DROSHA: variants seen among roughly 807,000 people sequenced by gnomAD.
DROSHA encodes drosha ribonuclease III.
Under a neutral mutation model 181.9 loss-of-function variants are expected in DROSHA, and 56 were observed. The ratio of observed to expected loss-of-function variants is 0.31; its 90% confidence interval spans 0.25 to 0.38. The LOEUF is 0.38. Among genes scored for constraint, DROSHA ranks in the 10% least tolerant of loss-of-function variants. The pLI is 1.00. For missense variants in DROSHA, 1,218 were observed against 1,743.5 expected, an observed-to-expected ratio of 0.70 and a Z score of 5.37; for synonymous variants, 524 against 591.2, an observed-to-expected ratio of 0.89 and a Z score of 1.65.
intron 8 of DROSHA, among the ~76,000 whole-genome samples, chr5:31,511,929 A>ACG (rs1738734503): frequency 3.9e-5 from 5 of 129,074 alleles, no homozygotes; most frequent in African/African-American, 1.3e-4. Flanking sequence ...TCTCACACAC[A>ACG]CGCACACACA....
At chr5:31,502,249 A>G (rs1236369243) in intron 11 of DROSHA, among the ~76,000 whole-genome samples, 1 of 152,220 alleles carries the variant, frequency 6.6e-6, no homozygotes, top group Non-Finnish European at 1.5e-5. Flanking sequence ...GCTAGAGTAC[A>G]AGCAGCCCTG....
chr5:31,414,342 T>A (rs929478271), intron 30 of DROSHA, among the ~76,000 whole-genome samples: 3 of 152,204 alleles, frequency 2.0e-5, no homozygotes, highest in Non-Finnish European at 2.9e-5. Flanking sequence ...ATTTATATAT[T>A]TTAGTGGAAA....
At chr5:31,469,270 T>A (rs1473564425) in intron 17 of DROSHA, among the ~76,000 whole-genome samples, 4 of 151,990 alleles carry the variant, frequency 2.6e-5, no homozygotes, top group African/African-American at 9.7e-5. Context: ...GGCAGGAGAA[T>A]CACTTGAACC....
chr5:31,502,426 C>T (rs980231433), intron 11 of DROSHA, among the ~76,000 whole-genome samples: 5 of 152,192 alleles, frequency 3.3e-5, no homozygotes, highest in Non-Finnish European at 5.9e-5. Context: ...AAAAATACTC[C>T]AGATGTGCTA....
At position 31,526,317 on chromosome 5, in the gene DROSHA, G is replaced by A; in HGVS notation, c.616C>T (p.His206Tyr). ...ANNSSSPHFRHLPPYPLPKAP... is the reference protein window; with the variant it reads ...ANNSSSPHFRYLPPYPLPKAP... Reference sequence around the variant, plus strand: ...TTTGGGAGTGGGTATGGAGGGAGATGTCTGAAATGAGGACTACTGCTGTTA... The same window carrying A: ...TTTGGGAGTGGGTATGGAGGGAGATATCTGAAATGAGGACTACTGCTGTTA... Residue 206 changes from histidine to tyrosine, a missense_variant, in exon 5 of 36, where the codon CAT becomes TAT. His to Tyr is a moderately conservative substitution (Grantham distance 83, BLOSUM62 2). Coordinates refer to ENST00000344624, the MANE Select transcript of DROSHA (RefSeq NM_001382508.1). 3 of 1,613,930 alleles carry A rather than the reference G, an allele frequency of 1.9e-6. No homozygotes were observed. Among genetic ancestry groups the A allele is most frequent in the Non-Finnish European group, 2.5e-6 (3 of 1,179,888 alleles).
intron 18 of DROSHA, chr5:31,467,412 G>A (rs1017533269): frequency 2.0e-5 from 3 of 151,844 alleles, no homozygotes; most frequent in Non-Finnish European, 2.9e-5. Context: ...TCTTCTCCCA[G>A]AAAACACTAA....
chr5:31,467,395 T>C (rs1006809400), intron 18 of DROSHA: 16 of 151,398 alleles, frequency 1.1e-4, no homozygotes, highest in African/African-American at 3.6e-4. Flanking sequence ...TTCCCACACA[T>C]CCTAAATCTT....
At chr5:31,501,453 A>G (rs1261609971) in intron 11 of DROSHA, among the ~76,000 whole-genome samples, 1 of 151,898 alleles carries the variant, frequency 6.6e-6, no homozygotes, top group East Asian at 1.9e-4. Context: ...AGCCAAGCAG[A>G]AACGAAATTA....
In DROSHA at chr5:31,446,865, C is replaced by T. The variant is rs553656416; in HGVS notation, c.2882+1682G>A. Among the ~76,000 whole-genome samples the T allele has an allele frequency of 4.6e-5, 7 of 152,178 alleles. No individual in the cohort carries two copies. The East Asian group carries it at 1.4e-3, about 29-fold the overall frequency. ...GACCAGCCTGGCCAACATGGCGAAACCTCGTCTCTACCAAAAATATAAAAA... is the reference window on the plus strand; with the variant it reads ...GACCAGCCTGGCCAACATGGCGAAATCTCGTCTCTACCAAAAATATAAAAA... On this transcript the variant is annotated intron_variant, in intron 23 of 35. Transcript: ENST00000344624.
At chr5:31,528,223 T>C (rs1481393423) in intron 4 of DROSHA, among the ~76,000 whole-genome samples, 1 of 152,154 alleles carries the variant, frequency 6.6e-6, no homozygotes, top group African/African-American at 2.4e-5. Flanking sequence ...GACATCAATC[T>C]GTCAGAAACT....
intron 16 of DROSHA, among the ~76,000 whole-genome samples, chr5:31,481,048 C>T (rs189681991): frequency 0.018 from 1,826 of 101,024 alleles, 19 homozygotes; most frequent in Non-Finnish European, 0.03. Context: ...ATGACAACTA[C>T]GTAAAAAAAA....
chr5:31,448,512 T>A lies in DROSHA; in HGVS notation c.2882+35A>T, dbSNP rs183939588. 3.2e-6 allele frequency: 5 copies of A among 1,568,942 alleles called. No homozygotes were observed. The African/African-American group carries it at 6.8e-5, about 21-fold the overall frequency. ...TAAACTGTATAGTACGTGAATTATA[T>A]ATCAATCAGGTTGTTTATTAAAAAT... On this transcript the variant is annotated intron_variant, in intron 23 of 35. Coordinates refer to ENST00000344624, the MANE Select transcript of DROSHA (RefSeq NM_001382508.1).
At chr5:31,449,079 G>A (rs1214820703) in intron 22 of DROSHA, among the ~76,000 whole-genome samples, 1 of 151,678 alleles carries the variant, frequency 6.6e-6, no homozygotes, top group Non-Finnish European at 1.5e-5. Context: ...AGTTTGCAGT[G>A]AGCTGAGATC....
intron 25 of DROSHA, among the ~76,000 whole-genome samples, chr5:31,432,962 C>T (rs636474): frequency 0.043 from 6,539 of 152,230 alleles, 344 homozygotes; most frequent in East Asian, 0.2. Context: ...AAAAAGAAAG[C>T]TACAAACATT....
intron 12 of DROSHA, 99 bp from the exon 13 acceptor site, chr5:31,493,392 G>A (rs1654060799): frequency 9.5e-7 from 1 of 1,050,306 alleles, no homozygotes; most frequent in Non-Finnish European, 1.3e-6. Flanking sequence ...AGAACATAAG[G>A]ACTTCCTTTC....
chr5:31,436,184 A>G (rs1234966823), intron 24 of DROSHA, among the ~76,000 whole-genome samples: 1 of 152,190 alleles, frequency 6.6e-6, no homozygotes, highest in Non-Finnish European at 1.5e-5. Flanking sequence ...AAAAATTGGG[A>G]GTGAAACAAA....
At chr5:31,496,971 G>A (rs1219661777) in intron 11 of DROSHA, among the ~76,000 whole-genome samples, 1 of 152,210 alleles carries the variant, frequency 6.6e-6, no homozygotes, top group East Asian at 1.9e-4. Context: ...GCAGGTTGTG[G>A]AGGTGACAGC....
At chr5:31,494,745 G>A (rs1252539969) in intron 12 of DROSHA, among the ~76,000 whole-genome samples, 4 of 152,092 alleles carry the variant, frequency 2.6e-5, no homozygotes, top group African/African-American at 9.7e-5. Flanking sequence ...GAGTAAAGTG[G>A]TGCGATCTCG....
intron 16 of DROSHA, 70 bp from the exon 17 acceptor site, chr5:31,472,302 G>A: frequency 2.1e-6 from 3 of 1,458,704 alleles, no homozygotes; most frequent in Admixed American, 4.9e-5. Context: ...ATCAACAACT[G>A]AATAAGGAAA....
Sources: allele counts gnomAD v4.1 joint callset (sites outside exome capture counted in the v4.1 genomes callset), GRCh38; gene constraint gnomAD v4.1.1; transcripts MANE v1.5; gene names NCBI Gene and HGNC (gene_info 2026-07-23, HGNC 2026-07-21).